The following NLRP7 variants were observed in gnomAD, a reference collection of about 807,000 sequenced individuals.
The protein encoded by NLRP7 is NACHT, LRR and PYD domains-containing protein 7.
In NLRP7, 72 loss-of-function variants were observed where a neutral mutation model predicts 85.5. The ratio of observed to expected loss-of-function variants is 0.84; its 90% confidence interval spans 0.70 to 1.02. The LOEUF (loss-of-function observed/expected upper bound fraction) is 1.02. Among genes scored for constraint, NLRP7 ranks in the 50% least tolerant of loss-of-function variants. The pLI is 0.00. For missense variants in NLRP7, 1,243 were observed against 1,219.5 expected (o/e 1.02, Z -0.29); for synonymous variants, 550 against 505.2 (o/e 1.09, Z -1.19).
Position 54,934,761 on chromosome 19 carries a change from A to G in NLRP7, c.2301-102T>C. On this transcript the variant is annotated intron_variant, in intron 6 of 9. Transcript: ENST00000340844. The surrounding 1 kb of genome is among the most constrained non-coding windows in gnomAD (Gnocchi z 6.7). ...GTTTCACTCTGTTGCCCAGTCTGGAATGCAAAGGCGTGATCTCACCTCACT... is the reference window on the plus strand; with the variant it reads ...GTTTCACTCTGTTGCCCAGTCTGGAGTGCAAAGGCGTGATCTCACCTCACT... 1 of 970,414 alleles carries G rather than the reference A, an allele frequency of 1.0e-6. No homozygotes were observed. The highest frequency in any genetic ancestry group is 1.5e-6 in the Non-Finnish European group (1 of 660,112). 60.1% of individuals were successfully genotyped at this position (970,414 alleles called of 1,614,324 possible). A position where few individuals can be genotyped will look rare whatever the true frequency, so the allele number is the denominator to read the frequency against.
intron 2 of NLRP7, 43 bp downstream of exon 2, chr19:54,941,392 A>G: frequency 8.0e-7 from 1 of 1,252,136 alleles, no homozygotes; most frequent in East Asian, 2.4e-5. Flanking sequence ...AAAAAAAAAA[A>G]AAAAAAAAAA....
chr19:54,937,765 C>T (rs2068998329), intron 5 of NLRP7, among the ~76,000 whole-genome samples: 2 of 151,750 alleles, frequency 1.3e-5, no homozygotes, highest in South Asian at 4.2e-4. Flanking sequence ...GGCAAGGTGG[C>T]ACATGCCTGT....
In NLRP7 at chr19:54,939,037, A is replaced by G. The variant is rs1162319266; in HGVS notation, c.1782T>C (p.Ile594=). ...CAGAAGTATTTGTCAGGTGAATAGA[A>G]ATTTCCTTGAACGGGGCCACCACCA... Residue 594 remains isoleucine, a synonymous_variant, in exon 4 of 10, where the codon ATT becomes ATC. Transcript: ENST00000340844. The G allele has an allele frequency of 1.9e-6, 3 of 1,614,076 alleles. No homozygotes were observed. The African/African-American group carries it at 4.0e-5, about 22-fold the overall frequency.
At chr19:54,933,046 G>A (rs574521348) in intron 8 of NLRP7, among the ~76,000 whole-genome samples, 4 of 152,142 alleles carry the variant, frequency 2.6e-5, no homozygotes, top group African/African-American at 9.7e-5. Context: ...CATCAGATCC[G>A]AGAACCAACT....
chr19:54,958,889 A>G (rs1381273243), intron 1 of NLRP7, among the ~76,000 whole-genome samples: 1 of 152,176 alleles, frequency 6.6e-6, no homozygotes, highest in Non-Finnish European at 1.5e-5. Context: ...TGATTGAGCA[A>G]TCTAGGGGAT....
intron 8 of NLRP7, among the ~76,000 whole-genome samples, chr19:54,931,414 G>A (rs12976839): frequency 0.27 from 40,756 of 151,972 alleles, 5,653 homozygotes; most frequent in East Asian, 0.41. Context: ...AATTAGCTGG[G>A]CACGATGGCT....
intron 5 of NLRP7, 142 bp downstream of exon 5, chr19:54,937,900 CAA>C (rs59058059): frequency 0.051 from 24,263 of 475,592 alleles, no homozygotes; most frequent in East Asian, 0.065. Context: ...TCCGTCTCAC[CAA>C]AAAAAAAAAA....
At position 54,942,112 on chromosome 19, in the gene NLRP7, A is replaced by C. The variant is rs1015488934; in HGVS notation, c.-39-362T>G. ...TACTAAAAAAATACAAAAAATTAGCAGGGCGTGGTGGCGGGCACCTGTAGT... is the reference window on the plus strand; with the variant it reads ...TACTAAAAAAATACAAAAAATTAGCCGGGCGTGGTGGCGGGCACCTGTAGT... On this transcript the variant is annotated intron_variant, in intron 1 of 9. Coordinates refer to ENST00000340844, the Ensembl canonical transcript of NLRP7. Among the ~76,000 whole-genome samples, 10 of 152,004 alleles carry C rather than the reference A, an allele frequency of 6.6e-5. No individual in the cohort carries two copies. In the East Asian group the frequency reaches 7.8e-4, roughly 12 times the overall value.
At chr19:54,927,391 A>G (rs1469895154) in intron 9 of NLRP7, among the ~76,000 whole-genome samples, 2 of 151,794 alleles carry the variant, frequency 1.3e-5, no homozygotes, top group African/African-American at 2.4e-5. Flanking sequence ...CAAAAAAAAA[A>G]AAAGAAAAAG....
rs1211645271 is a variant in NLRP7, at chr19:54,965,444, T to G, written c.-77+596A>C. On this transcript the variant is annotated intron_variant, in intron 1 of 2. Coordinates refer to the NLRP7 transcript ENST00000587103. Reference sequence around the variant, plus strand: ...TTCTCCATTCCACAGTTGGTAAAATTTCTCCTTTTATTTCATATATTTTTT... The same window carrying G: ...TTCTCCATTCCACAGTTGGTAAAATGTCTCCTTTTATTTCATATATTTTTT... 1.8e-4 allele frequency: 18 copies of G among 98,536 alleles called. 3 individuals carry two copies. The highest frequency in any genetic ancestry group is 8.1e-4 in the African/African-American group (18 of 22,216). 6.1% of individuals were successfully genotyped at this position (98,536 alleles called of 1,614,324 possible). A position where few individuals can be genotyped will look rare whatever the true frequency, so the allele number is the denominator to read the frequency against.
At chr19:54,939,082 C>T in exon 4 of NLRP7, 1 of 1,614,220 alleles carries the variant, frequency 6.2e-7, no homozygotes, top group Non-Finnish European at 8.5e-7. Flanking sequence ...GCTCCTCCTC[C>T]TGAGACTCAT....
rs201472427 is a variant in NLRP7, at chr19:54,927,802, C to T, written c.2810+2697G>A. On this transcript the variant is annotated intron_variant, in intron 9 of 9. Coordinates refer to ENST00000340844, the Ensembl canonical transcript of NLRP7. Reference sequence around the variant, plus strand: ...TGTTGAGGAAGAACATGGAAATCCACGCATTCACTGAGCAGGTAGTGGCTC... The same window carrying T: ...TGTTGAGGAAGAACATGGAAATCCATGCATTCACTGAGCAGGTAGTGGCTC... 4.1e-4 allele frequency: 661 copies of T among 1,604,936 alleles called. 5 individuals carry two copies. The highest frequency in any genetic ancestry group is 2.0e-3 in the South Asian group (182 of 90,834).
chr19:54,926,916 TAAAAAA>T (rs74177884), intron 9 of NLRP7, among the ~76,000 whole-genome samples: 3 of 26,610 alleles, frequency 1.1e-4, no homozygotes, highest in Non-Finnish European at 2.9e-4. Flanking sequence ...ACTCTGTCTT[TAAAAAA>T]AAAAAAAAAA....
rs553307721 is a variant in NLRP7, at chr19:54,961,494, A to G, written c.-77+4546T>C. Among the ~76,000 whole-genome samples the G allele has an allele frequency of 2.1e-3, 315 of 147,820 alleles. 1 individual carries two copies. Among genetic ancestry groups the G allele is most frequent in the African/African-American group, 7.6e-3 (304 of 39,952 alleles). On this transcript the variant is annotated intron_variant, in intron 1 of 2. Transcript: ENST00000587103. ...GCCTGGGCAACAACAGAGAGACTTC[A>G]TCTCTAAATAAATAAATAAATAAAT...
chr19:54,960,286 G>A (rs975286831), intron 1 of NLRP7, among the ~76,000 whole-genome samples: 19 of 151,740 alleles, frequency 1.3e-4, no homozygotes, highest in African/African-American at 4.4e-4. Flanking sequence ...CTCCTGGGTA[G>A]CTGGGATTAC....
rs2068831152 is a variant in NLRP7 at position 54,934,709 on chromosome 19, C to A, written c.2301-50G>T. ...TTCTTCTGGGAGGACAGAGTATACC[C>A]TATCAGCTTTTTTTTTTTGAGACAG... On this transcript the variant is annotated intron_variant, in intron 6 of 9. Coordinates refer to ENST00000340844, the Ensembl canonical transcript of NLRP7. This position sits in a 1 kb window ranked among gnomAD's most constrained non-coding sequence, Gnocchi z 6.7. 3 of 1,471,844 alleles carry A rather than the reference C, an allele frequency of 2.0e-6. No homozygotes were observed. The highest frequency in any genetic ancestry group is 2.3e-5 in the Admixed American group (1 of 43,944). The allele number at this position is 1,471,844 out of a possible 1,614,324, so 91.2% of individuals were successfully genotyped here.
chr19:54,941,754 G>A lies in NLRP7; in HGVS notation c.-39-4C>T. 1 of 1,585,260 alleles carries A rather than the reference G, an allele frequency of 6.3e-7. No homozygotes were observed. Among genetic ancestry groups the A allele is most frequent in the Admixed American group, 1.9e-5 (1 of 51,872 alleles). Reference sequence around the variant, plus strand: ...ACCTTAGGTTAAGGCTGAAGAACTGGGGGGAAAAAAGGAAAAACAGTTCAC... The same window carrying A: ...ACCTTAGGTTAAGGCTGAAGAACTGAGGGGAAAAAAGGAAAAACAGTTCAC... On this transcript the variant is annotated splice_polypyrimidine_tract_variant and splice_region_variant and intron_variant, in intron 1 of 9. Coordinates refer to ENST00000340844, the Ensembl canonical transcript of NLRP7.
upstream of NLRP7, chr19:54,948,881 T>G (rs1332217558): frequency 1.1e-5 from 2 of 176,996 alleles, no homozygotes; most frequent in East Asian, 2.8e-4. Flanking sequence ...GTGGAAAGCA[T>G]TCAGCACAGA....
intron 1 of NLRP7, among the ~76,000 whole-genome samples, chr19:54,961,310 A>G (rs115205603): frequency 0.011 from 1,672 of 152,038 alleles, 43 homozygotes; most frequent in African/African-American, 0.037. Context: ...CAGGAGTCCA[A>G]GACCAGCCCG....
Sources: gnomAD v4.1 joint callset for allele counts (sites outside exome capture counted in the v4.1 genomes callset) on GRCh38, gnomAD v4.1.1 for gene constraint, Gnocchi (gnomAD v3.1) non-coding constraint, MANE v1.5 for transcripts, NCBI Gene and HGNC (gene_info 2026-07-23, HGNC 2026-07-21) for gene names.